The following CENPT variants were observed in gnomAD, a reference collection of about 807,000 sequenced individuals.
CENPT encodes interphase centromere complex protein 22.
Under a neutral mutation model 59.7 loss-of-function variants are expected in CENPT, and 42 were observed. The ratio of observed to expected loss-of-function variants is 0.70; its 90% CI spans 0.55 to 0.91. The LOEUF is 0.91. Among genes scored for constraint, CENPT ranks in the 40% least tolerant of loss-of-function variants. The pLI, the probability that CENPT is intolerant of heterozygous loss-of-function variation, is 0.00. For missense variants in CENPT, 716 were observed against 713.4 expected, an observed-to-expected ratio of 1.00 and a Z score of -0.04; for synonymous variants, 295 against 289.6, an observed-to-expected ratio of 1.02 and a Z score of -0.19.
At position 67,828,478 on chromosome 16, in the gene CENPT, G is replaced by C. The variant is rs759480785; in HGVS notation, c.1558C>G (p.Arg520Gly). 3.0e-5 allele frequency: 48 copies of C among 1,614,072 alleles called. No homozygotes were observed. The highest frequency in any genetic ancestry group is 5.0e-5 in the Admixed American group (3 of 60,004). The stretch of plus-strand genomic sequence containing the variant: ...CCACACCTTCCGCCTTCTCACCGCC[G>C]CATCAGCAGCTCCAGGTCCTCTGGC... The part of the protein sequence containing the change: ...VKPEDLELLM[R>G]RQGLVTDQVS... The change falls in exon 15 of 16, where the codon CGG becomes GGG. Residue 520 changes from arginine (R) to glycine (G), a missense_variant. Coordinates refer to ENST00000562787, the MANE Select transcript of CENPT (RefSeq NM_025082.4).
chr16:67,840,160 C>CA lies in CENPT; in HGVS notation c.-491-4503dup, dbSNP rs535457664. On this transcript the variant is annotated intron_variant, in intron 1 of 15. Transcript: ENST00000562787. Reference sequence around the variant, plus strand: ...TGAAACCCCGTCTTTACTAAAAATACAAAAAAAATTAGCCGGGCACGGTGG... The same window carrying CA: ...TGAAACCCCGTCTTTACTAAAAATACAAAAAAAAATTAGCCGGGCACGGTGG... 9.5e-3 allele frequency among the ~76,000 whole-genome samples: 1,437 copies of CA among 150,738 alleles called. 9 individuals are homozygous for CA. Among genetic ancestry groups the CA allele is most frequent in the Admixed American group, 0.016 (249 of 15,166 alleles).
chr16:67,841,024 T>C (rs868338692), intron 1 of CENPT, among the ~76,000 whole-genome samples: 6,843 of 136,318 alleles, frequency 0.05, 645 homozygotes, highest in African/African-American at 0.17. Flanking sequence ...TATATATATA[T>C]ATATATATAT....
Position 67,838,395 on chromosome 16 carries a change from G to C in CENPT, c.-491-2737C>G, listed in dbSNP as rs193251609. Among the ~76,000 whole-genome samples, 194 of 152,152 alleles carry C rather than the reference G, an allele frequency of 1.3e-3. 3 individuals carry two copies. The highest frequency in any genetic ancestry group is 2.2e-4 in the Non-Finnish European group (15 of 67,998). ...CCAGCACTTTGGGAGGCCGAGGCAG[G>C]CTGATCACCTGGGGTCAGGAGTTCG... On this transcript the variant is annotated intron_variant, in intron 1 of 15. Coordinates refer to ENST00000562787, the MANE Select transcript of CENPT (RefSeq NM_025082.4).
chr16:67,831,024 A>C (rs2057682081), intron 10 of CENPT, 192 bp downstream of exon 10: 1 of 724,768 alleles, frequency 1.4e-6, no homozygotes, highest in African/African-American at 1.8e-5. Flanking sequence ...GGGCCCTGGG[A>C]GACACCGAGG....
rs372208707 is a variant in CENPT, at chr16:67,830,448, G to A, written c.804C>T (p.Asp268=). 106 of 1,614,016 alleles carry A rather than the reference G, an allele frequency of 6.6e-5. No homozygotes were observed. Among genetic ancestry groups the A allele is most frequent in the African/African-American group, 2.1e-4 (16 of 74,934 alleles). Residue 268 remains aspartate (D), a synonymous_variant, in exon 11 of 16, where the codon GAC becomes GAT. Transcript: ENST00000562787. ...TCTTGCGACCGGCAGCCTGCTCAGC[G>A]TCTTCAGCCCCAGTGTGAGGCGTGC... ...LPCTPHTGAE[D]AEQAAGRKTQ...
At chr16:67,845,179 A>T (rs1382944861) in intron 1 of CENPT, among the ~76,000 whole-genome samples, 1 of 152,224 alleles carries the variant, frequency 6.6e-6, no homozygotes, top group Non-Finnish European at 1.5e-5. Flanking sequence ...CCAATGTCTA[A>T]AAGTAAATGC....
intron 1 of CENPT, among the ~76,000 whole-genome samples, chr16:67,840,221 G>A (rs1340968078): frequency 6.6e-6 from 1 of 152,202 alleles, no homozygotes. Context: ...GGGAGGCTGA[G>A]GCAGGAGAAT....
intron 1 of CENPT, among the ~76,000 whole-genome samples, chr16:67,846,381 C>G (rs2057798452): frequency 6.6e-6 from 1 of 152,280 alleles, no homozygotes; most frequent in South Asian, 2.1e-4. Context: ...CTGCTCGAAA[C>G]CAGCTTTGGG....
chr16:67,831,995 G>C lies in CENPT; in HGVS notation c.386+17C>G, dbSNP rs928576455. 5 of 1,592,158 alleles carry C rather than the reference G, an allele frequency of 3.1e-6. No individual in the cohort carries two copies. In the African/African-American group the frequency reaches 5.4e-5, roughly 17 times the overall value. On this transcript the variant is annotated intron_variant, in intron 7 of 15. Coordinates refer to ENST00000562787, the MANE Select transcript of CENPT (RefSeq NM_025082.4). Reference sequence around the variant, plus strand: ...AGCTGCCCATAGCACAATCCAAGGTGGGGGAGTTCTGTGTACCTGCCGCAA... The same window carrying C: ...AGCTGCCCATAGCACAATCCAAGGTCGGGGAGTTCTGTGTACCTGCCGCAA...
rs1478443784 is a variant in CENPT, at chr16:67,828,324, G to A, written c.1629C>T (p.Tyr543=). The A allele has an allele frequency of 6.2e-7, 1 of 1,609,250 alleles. No individual in the cohort carries two copies. The highest frequency in any genetic ancestry group is 8.5e-7 in the Non-Finnish European group (1 of 1,176,340). The change falls in exon 16 of 16, where the codon TAC becomes TAT. Residue 543 remains tyrosine (Y), a synonymous_variant. Transcript: ENST00000562787. The stretch of plus-strand genomic sequence containing the variant: ...ATGCACAGGGGATGAGCAGCTGCCG[G>A]TACTCCAGGGGCAGGTGCCGCTCCA... The part of the protein sequence containing the change: ...VLVERHLPLE[Y]RQLLIPCAYS...
In CENPT at chr16:67,831,856, T is replaced by C. The variant is rs371678424; in HGVS notation, c.421A>G (p.Thr141Ala). 1.2e-6 allele frequency: 2 copies of C among 1,611,522 alleles called. No individual in the cohort carries two copies. The highest frequency in any genetic ancestry group is 2.2e-5 in the South Asian group (2 of 90,702). The change falls in exon 8 of 16, where the codon ACA becomes GCA. Residue 141 changes from threonine to alanine, a missense_variant. Transcript: ENST00000562787. ...GCCAGCAGACCTGGAGCCAGGGTTGTGGGGGGCTCGAGCTCAGGAAGTTGC... is the reference window on the plus strand; with the variant it reads ...GCCAGCAGACCTGGAGCCAGGGTTGCGGGGGGCTCGAGCTCAGGAAGTTGC... Reference protein sequence around the residue: ...ELQLPELEPPTTLAPGLLAPG... With the variant: ...ELQLPELEPPATLAPGLLAPG...
Position 67,829,831 on chromosome 16 carries a change from G to A in CENPT, c.1120C>T (p.Gln374Ter), listed in dbSNP as rs772592203. The A allele has an allele frequency of 1.9e-6, 3 of 1,614,068 alleles. No individual in the cohort carries two copies. The highest frequency in any genetic ancestry group is 1.7e-5 in the Admixed American group (1 of 59,998). Residue 374 changes from glutamine (Q) to a stop codon, truncating the protein, a stop_gained, in exon 12 of 16, where the codon CAG becomes TAG. Transcript: ENST00000562787. LOFTEE classifies it high-confidence loss of function. ...HTEVTEAEGSQGTAEADGPGA... is the reference protein window; with the variant it reads ...HTEVTEAEGS ...GGCCCGTCAGCCTCAGCAGTCCCCTGGGATCCCTCTGCTTCTGTCACCTCT... is the reference window on the plus strand; with the variant it reads ...GGCCCGTCAGCCTCAGCAGTCCCCTAGGATCCCTCTGCTTCTGTCACCTCT...
At chr16:67,844,288 G>A (rs2057783248) in intron 1 of CENPT, 1 of 156,638 alleles carries the variant, frequency 6.4e-6, no homozygotes, top group Non-Finnish European at 1.5e-5. Context: ...AGACCAGGCT[G>A]ACCCTGAAAG....
intron 1 of CENPT, among the ~76,000 whole-genome samples, chr16:67,839,398 A>C (rs986054402): frequency 1.1e-4 from 16 of 151,272 alleles, no homozygotes; most frequent in African/African-American, 1.5e-4. Flanking sequence ...AAAAAAAAAA[A>C]AACCAAAAAA....
intron 3 of CENPT, chr16:67,834,331 T>C (rs1478591610): frequency 1.3e-5 from 2 of 153,184 alleles, no homozygotes; most frequent in Non-Finnish European, 2.9e-5. Context: ...ATTTGCAGGC[T>C]AGGCGGTGGT....
At chr16:67,831,029 C>A in intron 10 of CENPT, 187 bp downstream of exon 10, 1 of 751,086 alleles carries the variant, frequency 1.3e-6, no homozygotes, top group Non-Finnish European at 2.2e-6. Flanking sequence ...CTGGGAGACA[C>A]CGAGGGACCA....
At chr16:67,844,949 G>A (rs1164631427) in intron 1 of CENPT, among the ~76,000 whole-genome samples, 1 of 151,854 alleles carries the variant, frequency 6.6e-6, no homozygotes, top group Non-Finnish European at 1.5e-5. Context: ...CCACCACGTC[G>A]GGCTGATTTT....
chr16:67,831,169 C>T (rs375826833), intron 10 of CENPT, 47 bp downstream of exon 10: 94 of 1,612,420 alleles, frequency 5.8e-5, no homozygotes, highest in African/African-American at 2.8e-4. Flanking sequence ...TCTGTCATAG[C>T]GGGGAGAGCT....
Position 67,829,517 on chromosome 16 carries a change from C to G in CENPT, c.1187-1G>C. ...GTGCTGGAGGCCGACTCTGGACTTG[C>G]TACAAAGAAGAAGGGTGGGGTCACA... On this transcript the variant is annotated splice_acceptor_variant, in intron 12 of 15. Transcript: ENST00000562787. LOFTEE classifies it high-confidence loss of function. 6.3e-7 allele frequency: 1 copy of G among 1,595,932 alleles called. No homozygotes were observed. Among genetic ancestry groups the G allele is most frequent in the Non-Finnish European group, 8.5e-7 (1 of 1,175,090 alleles).
Sources: gnomAD v4.1 joint callset for allele counts (sites outside exome capture counted in the v4.1 genomes callset) on GRCh38, gnomAD v4.1.1 for gene constraint, MANE v1.5 for transcripts, NCBI Gene and HGNC (gene_info 2026-07-23, HGNC 2026-07-21) for gene names.